The following SLC44A5 variants were observed in gnomAD, a reference collection of about 807,000 sequenced individuals.
SLC44A5 encodes solute carrier family 44 member 5, also known as choline transporter-like protein 5.
A neutral mutation model predicts 101.8 loss-of-function variants in SLC44A5; 57 were observed. The observed-to-expected ratio is 0.56, with a 90% CI of 0.45 to 0.70. The LOEUF is 0.70. Ranked by LOEUF, SLC44A5 falls within the 30% of genes least tolerant of loss-of-function variation. The pLI is 0.00. For synonymous variants in SLC44A5, 281 were observed against 290.9 expected (o/e 0.97, Z 0.35); for missense variants, 737 against 853.1 (o/e 0.86, Z 1.70).
chr1:75,614,838 C>A (rs1675796695), upstream of SLC44A5, among the ~76,000 whole-genome samples: 1 of 152,140 alleles, frequency 6.6e-6, no homozygotes, highest in Non-Finnish European at 1.5e-5. Flanking sequence ...CCTCACCGCG[C>A]ATGGTGTCGA....
chr1:75,256,223 G>GTAGGC (rs1357542569), intron 6 of SLC44A5, among the ~76,000 whole-genome samples: 1 of 152,108 alleles, frequency 6.6e-6, no homozygotes, highest in Non-Finnish European at 1.5e-5. Flanking sequence ...TTAAAGCTAT[G>GTAGGC]CAATAGGCCT....
At chr1:75,272,309 A>G (rs1570533557) in intron 6 of SLC44A5, among the ~76,000 whole-genome samples, 1 of 128,880 alleles carries the variant, frequency 7.8e-6, no homozygotes, top group East Asian at 2.4e-4. Flanking sequence ...GAAGCTTTTT[A>G]GTTTAATTTG....
chr1:75,456,698 T>C (rs956008747), intron 2 of SLC44A5, among the ~76,000 whole-genome samples: 7 of 152,334 alleles, frequency 4.6e-5, no homozygotes, highest in African/African-American at 1.4e-4. Flanking sequence ...TTTTTAAGAA[T>C]TTCTAAAAGG....
chr1:75,507,335 T>A (rs2101858770), intron 2 of SLC44A5, among the ~76,000 whole-genome samples: 1 of 152,298 alleles, frequency 6.6e-6, no homozygotes, highest in Non-Finnish European at 1.5e-5. Context: ...TTTCCATTTG[T>A]GTGGTTGATC....
the SLC44A5 span, among the ~76,000 whole-genome samples, chr1:75,672,188 G>A: frequency 6.6e-6 from 1 of 152,126 alleles, no homozygotes; most frequent in African/African-American, 2.4e-5. Flanking sequence ...AAGAGGCGCT[G>A]AAAAAGGCAA....
Position 75,223,948 on chromosome 1 carries a change from C to A in SLC44A5, c.986-1488G>T, listed in dbSNP as rs191447234. ...CTATAAAGATAATACATGTAAGAGT[C>A]ACTTTATGACATTGCACCGTTAAAA... On this transcript the variant is annotated intron_variant, in intron 13 of 23. Transcript: ENST00000370859. Among the ~76,000 whole-genome samples, 149 of 152,252 alleles carry A rather than the reference C, an allele frequency of 9.8e-4. 2 individuals are homozygous for A. Among genetic ancestry groups the A allele is most frequent in the African/African-American group, 3.4e-3 (142 of 41,544 alleles).
chr1:75,300,547 T>C (rs1424768121), intron 5 of SLC44A5, 65 bp downstream of exon 5: 1 of 1,078,526 alleles, frequency 9.3e-7, no homozygotes, highest in East Asian at 2.5e-5. Flanking sequence ...ATTTTTTATA[T>C]GTGACACTGA....
chr1:75,498,667 A>C (rs187423498), intron 2 of SLC44A5, among the ~76,000 whole-genome samples: 1 of 152,320 alleles, frequency 6.6e-6, no homozygotes, highest in Non-Finnish European at 1.5e-5. Flanking sequence ...AGACATACTT[A>C]GTGAAAGAAA....
In SLC44A5 at chr1:75,271,052, T is replaced by C. The variant is rs1015274977; in HGVS notation, c.260+3906A>G. ...TTGCAAAGGTTTTGTGGGCAATGTC[T>C]AGAATTTTCTGAGTTACTGAAGTTA... On this transcript the variant is annotated intron_variant, in intron 6 of 23. Coordinates refer to ENST00000370859, the MANE Select transcript of SLC44A5 (RefSeq NM_001130058.2). 3.3e-5 allele frequency among the ~76,000 whole-genome samples: 5 copies of C among 152,200 alleles called. No individual in the cohort carries two copies. The East Asian group carries it at 7.7e-4, about 24-fold the overall frequency.
chr1:75,228,672 T>C (rs1450951906), intron 12 of SLC44A5, among the ~76,000 whole-genome samples: 1 of 151,914 alleles, frequency 6.6e-6, no homozygotes, highest in Admixed American at 6.6e-5. Flanking sequence ...ATTTTTTGTT[T>C]GTTTACTTAT....
At chr1:75,464,293 G>C (rs562739214) in intron 2 of SLC44A5, among the ~76,000 whole-genome samples, 23 of 149,506 alleles carry the variant, frequency 1.5e-4, no homozygotes, top group African/African-American at 4.7e-4. Context: ...CTAAGGCATA[G>C]AGTCTTTATT....
chr1:75,422,868 A>G (rs546972943), intron 2 of SLC44A5, among the ~76,000 whole-genome samples: 31 of 152,206 alleles, frequency 2.0e-4, no homozygotes, highest in Non-Finnish European at 3.8e-4. Context: ...CACTACCCAT[A>G]GCTGCTTTCT....
chr1:75,659,493 G>GAAGGAAGGAAGGAAGGAAGA, the SLC44A5 span, among the ~76,000 whole-genome samples: 100 of 109,024 alleles, frequency 9.2e-4, 4 homozygotes, highest in East Asian at 9.6e-3. Context: ...AGGAAGGAAG[G>GAAGGAAGGAAGGAAGGAAGA]CAGGCAGGCA....
intron 5 of SLC44A5, among the ~76,000 whole-genome samples, chr1:75,284,438 A>G (rs1339671052): frequency 6.6e-6 from 1 of 152,122 alleles, no homozygotes; most frequent in African/African-American, 2.4e-5. Context: ...CTAGGTAGAC[A>G]ATCATATCAT....
intron 1 of SLC44A5, among the ~76,000 whole-genome samples, chr1:75,594,807 G>A (rs897711736): frequency 8.6e-5 from 13 of 151,410 alleles, no homozygotes; most frequent in Admixed American, 2.6e-4. Flanking sequence ...AAAAAAGAAA[G>A]ATTATTAAAC....
chr1:75,240,529 T>C (rs1297623104), intron 9 of SLC44A5, among the ~76,000 whole-genome samples: 1 of 152,144 alleles, frequency 6.6e-6, no homozygotes, highest in African/African-American at 2.4e-5. Flanking sequence ...TATCTTTTGT[T>C]ACTAATGATT....
intron 2 of SLC44A5, among the ~76,000 whole-genome samples, chr1:75,411,442 C>T (rs10874264): frequency 0.2 from 29,633 of 151,808 alleles, 4,152 homozygotes; most frequent in East Asian, 0.81. Context: ...AGGTCAGAAG[C>T]AAAACAATAT....
chr1:75,309,961 G>A (rs1014043361), intron 4 of SLC44A5, among the ~76,000 whole-genome samples: 1 of 152,024 alleles, frequency 6.6e-6, no homozygotes, highest in East Asian at 1.9e-4. Context: ...TCTACAGGCT[G>A]GTTATACTAT....
At chr1:75,588,779 T>C (rs1265640089) in intron 1 of SLC44A5, among the ~76,000 whole-genome samples, 2 of 152,180 alleles carry the variant, frequency 1.3e-5, no homozygotes, top group East Asian at 1.9e-4. Flanking sequence ...ATTTATTTCT[T>C]CCACAAATAA....
Sources: gnomAD v4.1 joint callset for allele counts (sites outside exome capture counted in the v4.1 genomes callset) on GRCh38, gnomAD v4.1.1 for gene constraint, MANE v1.5 for transcripts, NCBI Gene and HGNC (gene_info 2026-07-23, HGNC 2026-07-21) for gene names.